Variants in SPATS2 observed in about 807,000 individuals in gnomAD.
SPATS2 encodes the protein spermatogenesis associated serine rich 2.
SPATS2 carries 38 observed loss-of-function variants against 63.7 expected under a neutral mutation model. That is an observed-to-expected ratio of 0.60 (90% CI 0.46 to 0.78). The LOEUF (loss-of-function observed/expected upper bound fraction) is 0.78, where lower values mean the gene tolerates loss of function less well. Among genes scored for constraint, SPATS2 ranks in the 30% least tolerant of loss-of-function variants. SPATS2 has a pLI of 0.00. For missense variants in SPATS2, 588 were observed against 666.2 expected (o/e 0.88, Z 1.29); for synonymous variants, 207 against 232.9 (o/e 0.89, Z 1.01).
chr12:49,453,787 G>A (rs4898506), intron 2 of SPATS2, among the ~76,000 whole-genome samples: 97,080 of 150,926 alleles, frequency 0.64, 32,725 homozygotes, highest in East Asian at 0.9. Context: ...CCTGGGCAAC[G>A]GAGGAAGACC....
intron 2 of SPATS2, among the ~76,000 whole-genome samples, chr12:49,411,910 A>G (rs937453737): frequency 6.6e-6 from 1 of 152,172 alleles, no homozygotes; most frequent in Non-Finnish European, 1.5e-5. Flanking sequence ...CCATGTTTAT[A>G]ATATGTGAAA....
chr12:49,377,677 T>C (rs921782358), intron 2 of SPATS2, among the ~76,000 whole-genome samples: 1 of 152,220 alleles, frequency 6.6e-6, no homozygotes, highest in Non-Finnish European at 1.5e-5. Flanking sequence ...GTATTGATAG[T>C]ATAGTTATAA....
chr12:49,426,777 T>C (rs1389654835), intron 2 of SPATS2, among the ~76,000 whole-genome samples: 5 of 152,152 alleles, frequency 3.3e-5, no homozygotes, highest in African/African-American at 7.2e-5. Flanking sequence ...TCTCCTGACC[T>C]CGTGATCCTC....
chr12:49,454,860 A>T (rs1945690562), intron 2 of SPATS2, among the ~76,000 whole-genome samples: 1 of 150,630 alleles, frequency 6.6e-6, no homozygotes, highest in Non-Finnish European at 1.5e-5. Flanking sequence ...AGCTTGGGTG[A>T]CAGAGTGAGG....
Position 49,488,882 on chromosome 12 carries a change from G to A in SPATS2, c.106-583G>A, listed in dbSNP as rs574661123. 1.6e-3 allele frequency among the ~76,000 whole-genome samples: 240 copies of A among 152,252 alleles called. 3 individuals carry two copies. In the Middle Eastern group the frequency reaches 0.027, roughly 17 times the overall value. Reference sequence around the variant, plus strand: ...TCAGGGTAGAAATCTCTAGCGAGACGAAGAAGGGAAATAGGACTTATTAGG... The same window carrying A: ...TCAGGGTAGAAATCTCTAGCGAGACAAAGAAGGGAAATAGGACTTATTAGG... On this transcript the variant is annotated intron_variant, in intron 4 of 13. Transcript: ENST00000552918.
chr12:49,503,774 G>A (rs904449584), intron 9 of SPATS2, among the ~76,000 whole-genome samples: 66 of 152,218 alleles, frequency 4.3e-4, no homozygotes, highest in Middle Eastern at 3.4e-3. Flanking sequence ...GATTCCATTC[G>A]GAACAAGCTT....
intron 9 of SPATS2, among the ~76,000 whole-genome samples, chr12:49,509,209 A>G (rs1041152286): frequency 1.3e-5 from 2 of 151,976 alleles, no homozygotes; most frequent in Non-Finnish European, 2.9e-5. Context: ...GGAAAAGGAA[A>G]GAAAGGTTAC....
chr12:49,521,438 T>C (rs1192451286), intron 11 of SPATS2, among the ~76,000 whole-genome samples: 2 of 152,022 alleles, frequency 1.3e-5, no homozygotes, highest in Non-Finnish European at 2.9e-5. Flanking sequence ...TAACTAAAAC[T>C]ATATGATTAA....
At chr12:49,459,877 G>A (rs1462850184) in intron 2 of SPATS2, among the ~76,000 whole-genome samples, 12 of 146,814 alleles carry the variant, frequency 8.2e-5, no homozygotes, top group African/African-American at 2.8e-4. Flanking sequence ...ACGAGGTCAG[G>A]AGTTCGAGAC....
intron 9 of SPATS2, among the ~76,000 whole-genome samples, chr12:49,505,689 T>C (rs1156364186): frequency 6.6e-6 from 1 of 152,234 alleles, no homozygotes; most frequent in African/African-American, 2.4e-5. Context: ...ATTTTTTTAA[T>C]CCTGATTTCT....
At position 49,489,505 on chromosome 12, in the gene SPATS2, A is replaced by G. The variant is rs914364348; in HGVS notation, c.146A>G (p.Asn49Ser). 12 of 1,613,830 alleles carry G rather than the reference A, an allele frequency of 7.4e-6. No homozygotes were observed. Among genetic ancestry groups the G allele is most frequent in the Non-Finnish European group, 9.3e-6 (11 of 1,179,888 alleles). ...GCAATAGTTCCTAATAAGAGCAACAATGAAATTATCCTGGTTTTGCAGCAC... is the reference window on the plus strand; with the variant it reads ...GCAATAGTTCCTAATAAGAGCAACAGTGAAATTATCCTGGTTTTGCAGCAC... ...VRAIVPNKSN[N>S]EIILVLQHFD... Residue 49 changes from asparagine to serine, a missense_variant, in exon 5 of 14, where the codon AAT becomes AGT. Coordinates refer to ENST00000552918, the MANE Select transcript of SPATS2 (RefSeq NM_023071.4).
chr12:49,374,909 C>T (rs1231671724), intron 2 of SPATS2, among the ~76,000 whole-genome samples: 3 of 130,206 alleles, frequency 2.3e-5, no homozygotes, highest in African/African-American at 9.3e-5. Flanking sequence ...TGCAGTGGGC[C>T]GAGATTGTGC....
intron 2 of SPATS2, among the ~76,000 whole-genome samples, chr12:49,399,824 T>C (rs1403857355): frequency 4.6e-5 from 7 of 151,924 alleles, no homozygotes; most frequent in Admixed American, 1.3e-4. Context: ...GATCACGAGG[T>C]CAGGAGATCA....
chr12:49,436,300 G>T (rs1282575078), intron 2 of SPATS2, among the ~76,000 whole-genome samples: 1 of 148,304 alleles, frequency 6.7e-6, no homozygotes, highest in Non-Finnish European at 1.5e-5. Flanking sequence ...TCCCGGATGG[G>T]GCGGCTGGCC....
intron 4 of SPATS2, among the ~76,000 whole-genome samples, chr12:49,485,536 A>G (rs1946276946): frequency 1.3e-5 from 2 of 151,274 alleles, no homozygotes; most frequent in Non-Finnish European, 2.9e-5. Context: ...TAATTTTTGT[A>G]TTTGTAGTGG....
chr12:49,378,479 T>C (rs1944150044), intron 2 of SPATS2, among the ~76,000 whole-genome samples: 1 of 151,240 alleles, frequency 6.6e-6, no homozygotes. Context: ...TTGTATTTTT[T>C]AGTAGAGACG....
In SPATS2 at chr12:49,421,120, G is replaced by A. The variant is rs529133941; in HGVS notation, c.-243-39650G>A. 6.5e-4 allele frequency among the ~76,000 whole-genome samples: 99 copies of A among 152,200 alleles called. 1 individual carries two copies. Among genetic ancestry groups the A allele is most frequent in the Non-Finnish European group, 1.3e-3 (86 of 67,998 alleles). On this transcript the variant is annotated intron_variant, in intron 2 of 13. Transcript: ENST00000552918. ...ATAGAATTTATTTGCACGTGTATAC[G>A]TAAAAATTCTTTGCATTGGCCGGGT...
chr12:49,378,544 G>A (rs1210100105), intron 2 of SPATS2, among the ~76,000 whole-genome samples: 3 of 151,964 alleles, frequency 2.0e-5, no homozygotes, highest in Admixed American at 6.6e-5. Flanking sequence ...TGATCTGCCC[G>A]CCTTGGCCTC....
At chr12:49,393,020 C>T (rs900003533) in intron 2 of SPATS2, among the ~76,000 whole-genome samples, 3 of 152,144 alleles carry the variant, frequency 2.0e-5, no homozygotes, top group Non-Finnish European at 4.4e-5. Flanking sequence ...CCACTTCACT[C>T]CAGCCTGGGC....
Sources: gnomAD v4.1 joint callset for allele counts (sites outside exome capture counted in the v4.1 genomes callset) on GRCh38, gnomAD v4.1.1 for gene constraint, MANE v1.5 for transcripts, NCBI Gene and HGNC (gene_info 2026-07-23, HGNC 2026-07-21) for gene names.